Variants in PPM1E observed in about 807,000 individuals in gnomAD.
PPM1E encodes the protein protein phosphatase, Mg2+/Mn2+ dependent 1E.
Under a neutral mutation model 65.9 loss-of-function variants are expected in PPM1E, and 20 were observed. The ratio of observed to expected loss-of-function variants is 0.30; its 90% CI spans 0.21 to 0.44. PPM1E has a LOEUF of 0.44. Ranked by LOEUF, PPM1E falls within the 20% of genes least tolerant of loss-of-function variation. The pLI is 1.00. For synonymous variants in PPM1E, 352 were observed against 374.9 expected, an observed-to-expected ratio of 0.94 and a Z score of 0.70; for missense variants, 713 against 953.1, an observed-to-expected ratio of 0.75 and a Z score of 3.32.
At chr17:58,786,470 C>T (rs924000419) in intron 1 of PPM1E, among the ~76,000 whole-genome samples, 2 of 152,184 alleles carry the variant, frequency 1.3e-5, no homozygotes, top group Non-Finnish European at 2.9e-5. Context: ...GATCTGATAG[C>T]CAGCCTGGCT....
rs150112107 is a variant in PPM1E at position 58,983,191 on chromosome 17, T to G, written c.*2160T>G. 7 of 359,118 alleles carry G rather than the reference T, an allele frequency of 1.9e-5. No individual in the cohort carries two copies. Among genetic ancestry groups the G allele is most frequent in the African/African-American group, 1.5e-4 (7 of 47,996 alleles). The allele number at this position is 359,118 out of a possible 1,614,324, so 22.2% of individuals were successfully genotyped here. On this transcript the variant is annotated 3_prime_UTR_variant, in exon 7 of 7. Coordinates refer to ENST00000308249, the MANE Select transcript of PPM1E (RefSeq NM_014906.5). The stretch of plus-strand genomic sequence containing the variant: ...GGTCCGACTACACAGCAGTGTTAAC[T>G]CATTTCTCATGCCATTAGCTCTCTA...
intron 1 of PPM1E, among the ~76,000 whole-genome samples, chr17:58,840,160 G>A (rs914172771): frequency 2.0e-5 from 3 of 152,204 alleles, no homozygotes; most frequent in Non-Finnish European, 2.9e-5. Flanking sequence ...AATGGACAGT[G>A]GTAACTTCCC....
chr17:58,875,012 G>A (rs1205082250), intron 1 of PPM1E, among the ~76,000 whole-genome samples: 1 of 152,042 alleles, frequency 6.6e-6, no homozygotes, highest in African/African-American at 2.4e-5. Context: ...TGAATTTGGT[G>A]TGTGTCCTTT....
intron 1 of PPM1E, among the ~76,000 whole-genome samples, chr17:58,880,519 T>C (rs1023238061): frequency 3.3e-5 from 5 of 152,196 alleles, no homozygotes; most frequent in Admixed American, 3.3e-4. Context: ...CTCCTGAACA[T>C]GTATGTAATC....
intron 1 of PPM1E, among the ~76,000 whole-genome samples, chr17:58,814,665 ATG>A (rs1259478625): frequency 1.3e-5 from 2 of 152,166 alleles, no homozygotes; most frequent in Non-Finnish European, 2.9e-5. Flanking sequence ...GGGGTTGACA[ATG>A]TTTTTTTTCT....
intron 1 of PPM1E, among the ~76,000 whole-genome samples, chr17:58,862,503 G>T (rs2050952856): frequency 6.6e-6 from 1 of 152,138 alleles, no homozygotes; most frequent in African/African-American, 2.4e-5. Flanking sequence ...GGATAGAAAT[G>T]CTTCTATCCT....
intron 1 of PPM1E, among the ~76,000 whole-genome samples, chr17:58,815,327 G>A: frequency 6.6e-6 from 1 of 152,170 alleles, no homozygotes. Flanking sequence ...GGTGTCTTAT[G>A]TGATTTGCTA....
chr17:58,884,374 A>G (rs1028502238), intron 1 of PPM1E, among the ~76,000 whole-genome samples: 6 of 152,014 alleles, frequency 3.9e-5, no homozygotes, highest in Non-Finnish European at 7.4e-5. Context: ...AGCTTTCCTC[A>G]CTGCCAGTTT....
At chr17:58,827,500 C>G (rs2143161813) in intron 1 of PPM1E, among the ~76,000 whole-genome samples, 1 of 152,246 alleles carries the variant, frequency 6.6e-6, no homozygotes. Context: ...TTTTATCCAA[C>G]TTAACTACCT....
At chr17:58,952,935 A>C (rs1024650736) in intron 1 of PPM1E, among the ~76,000 whole-genome samples, 12 of 152,210 alleles carry the variant, frequency 7.9e-5, no homozygotes, top group African/African-American at 2.9e-4. Context: ...CAGCCTCCCA[A>C]AGTGCTGGGA....
At position 58,946,414 on chromosome 17, in the gene PPM1E, T is replaced by G. The variant is rs1272651266; in HGVS notation, c.465-9235T>G. Among the ~76,000 whole-genome samples, 10 of 152,188 alleles carry G rather than the reference T, an allele frequency of 6.6e-5. No individual in the cohort carries two copies. The East Asian group carries it at 1.9e-3, about 29-fold the overall frequency. On this transcript the variant is annotated intron_variant, in intron 1 of 6. Coordinates refer to ENST00000308249, the MANE Select transcript of PPM1E (RefSeq NM_014906.5). ...TCTTTTTATTATTGAAATATAAGGA[T>G]TCGTTACATATTTGGGATACCAGTC...
At chr17:58,901,021 C>A (rs2051492223) in intron 1 of PPM1E, among the ~76,000 whole-genome samples, 1 of 152,102 alleles carries the variant, frequency 6.6e-6, no homozygotes, top group Non-Finnish European at 1.5e-5. Flanking sequence ...GTGACCCACC[C>A]AAATCACATA....
rs536440147 is a variant in PPM1E at position 58,756,091 on chromosome 17, G to C, written c.94G>C (p.Glu32Gln). Residue 32 changes from glutamate (E) to glutamine (Q), a missense_variant, in exon 1 of 7, where the codon GAG becomes CAG. Physicochemically the swap from Glu to Gln is conservative, Grantham distance 29 (BLOSUM62 2). This residue lies in a region of PPM1E where 212 missense variants were observed against 204.0 expected (regional missense o/e 1.04). Coordinates refer to ENST00000308249, the MANE Select transcript of PPM1E (RefSeq NM_014906.5). ...CGGACCGTGCGGCGGCGGCGAGCCG[G>C]AGCCGGAACCCGAACCCGAACCCGA... Reference protein sequence around the residue: ...FRGPCGGGEPEPEPEPEPEPE... With the variant: ...FRGPCGGGEPQPEPEPEPEPE... The C allele has an allele frequency of 1.2e-4, 190 of 1,600,284 alleles. 4 individuals are homozygous for C. In the African/African-American group the frequency reaches 2.6e-3, roughly 22 times the overall value.
chr17:58,861,798 G>A (rs1052028179), intron 1 of PPM1E, among the ~76,000 whole-genome samples: 24 of 152,102 alleles, frequency 1.6e-4, no homozygotes, highest in African/African-American at 5.6e-4. Context: ...ATGGTGGCGT[G>A]TGCCTGTAGT....
At chr17:58,901,655 A>G (rs2051500582) in intron 1 of PPM1E, among the ~76,000 whole-genome samples, 1 of 151,846 alleles carries the variant, frequency 6.6e-6, no homozygotes, top group Admixed American at 6.6e-5. Flanking sequence ...AGCCTGGACA[A>G]CAGAGCAAGA....
intron 1 of PPM1E, among the ~76,000 whole-genome samples, chr17:58,763,438 TA>T (rs1045725004): frequency 2.6e-5 from 4 of 152,026 alleles, no homozygotes; most frequent in Non-Finnish European, 5.9e-5. Flanking sequence ...CTACATTTCC[TA>T]AAAAAGGGGG....
chr17:58,784,779 T>C (rs1244016112), intron 1 of PPM1E, among the ~76,000 whole-genome samples: 1 of 152,198 alleles, frequency 6.6e-6, no homozygotes, highest in Non-Finnish European at 1.5e-5. Context: ...TGCCTCAGCC[T>C]CCCAAAGTGC....
At chr17:58,830,601 C>T (rs2050594550) in intron 1 of PPM1E, among the ~76,000 whole-genome samples, 1 of 151,978 alleles carries the variant, frequency 6.6e-6, no homozygotes, top group South Asian at 2.1e-4. Flanking sequence ...CCACTGCGCC[C>T]AGCCTTCAGT....
At chr17:58,763,594 T>G (rs1276425607) in intron 1 of PPM1E, among the ~76,000 whole-genome samples, 1 of 152,138 alleles carries the variant, frequency 6.6e-6, no homozygotes. Context: ...GTGCATATGT[T>G]CCTAGGTTTC....
Sources: allele counts gnomAD v4.1 joint callset (sites outside exome capture counted in the v4.1 genomes callset), GRCh38; gene constraint gnomAD v4.1.1; regional missense constraint gnomAD v4.1.1; transcripts MANE v1.5; gene names NCBI Gene and HGNC (gene_info 2026-07-23, HGNC 2026-07-21).